The following ZNF385D variants were observed in gnomAD, a reference collection of about 807,000 sequenced individuals.
The protein encoded by ZNF385D is zinc finger protein 659.
ZNF385D carries 15 observed loss-of-function variants against 35.8 expected under a neutral mutation model. The ratio of observed to expected loss-of-function variants is 0.42; its 90% CI spans 0.28 to 0.64. ZNF385D has a LOEUF of 0.64. Ranked by LOEUF, ZNF385D falls within the 30% of genes least tolerant of loss-of-function variation. ZNF385D has a pLI of 0.23. For missense variants in ZNF385D, 474 were observed against 494.6 expected (o/e 0.96, Z 0.39); for synonymous variants, 212 against 186.8 (o/e 1.13, Z -1.10).
At chr3:21,801,443 T>C (rs2072395426) in intron 3 of ZNF385D, among the ~76,000 whole-genome samples, 1 of 152,164 alleles carries the variant, frequency 6.6e-6, no homozygotes, top group Non-Finnish European at 1.5e-5. Flanking sequence ...AGTGAAAACA[T>C]CTGGTCTTGA....
At chr3:21,795,418 T>A (rs1451939936) in intron 3 of ZNF385D, among the ~76,000 whole-genome samples, 1 of 152,216 alleles carries the variant, frequency 6.6e-6, no homozygotes, top group East Asian at 1.9e-4. Context: ...CACATAGCCA[T>A]TAGCGTCTGC....
chr3:22,043,720 T>TTG (rs1559328487), intron 3 of ZNF385D, among the ~76,000 whole-genome samples: 1 of 151,508 alleles, frequency 6.6e-6, no homozygotes, highest in East Asian at 2.0e-4. Context: ...CCTCATTGAC[T>TTG]GTGGCTGGAC....
chr3:21,872,819 T>C (rs1433875531), intron 3 of ZNF385D, among the ~76,000 whole-genome samples: 1 of 152,158 alleles, frequency 6.6e-6, no homozygotes, highest in Non-Finnish European at 1.5e-5. Flanking sequence ...CCTCTAAAGA[T>C]GTAATTGTAT....
chr3:21,453,850 C>T (rs1702616895), intron 4 of ZNF385D, among the ~76,000 whole-genome samples: 1 of 151,754 alleles, frequency 6.6e-6, no homozygotes, highest in South Asian at 2.1e-4. Context: ...CAGAGATTGT[C>T]CTAAATATAT....
At position 21,416,236 on chromosome 3, in the gene ZNF385D, T is replaced by C; in HGVS notation, c.*4978A>G. 2 of 9,790 alleles carry C rather than the reference T, an allele frequency of 2.0e-4. 1 individual carries two copies. Among genetic ancestry groups the C allele is most frequent in the East Asian group, 3.5e-3 (2 of 578 alleles). 0.6% of individuals were successfully genotyped at this position (9,790 alleles called of 1,614,324 possible). On this transcript the variant is annotated 3_prime_UTR_variant, in exon 8 of 8. Coordinates refer to ENST00000281523, the MANE Select transcript of ZNF385D (RefSeq NM_024697.3). The stretch of plus-strand genomic sequence containing the variant: ...TAGTAGAGACGGGGTTTCACCTTGT[T>C]AGCCAGGATGGTCTCGATCTCCTGA...
At chr3:21,693,173 T>C (rs1004343404) in intron 1 of ZNF385D, among the ~76,000 whole-genome samples, 10 of 152,110 alleles carry the variant, frequency 6.6e-5, no homozygotes, top group African/African-American at 2.4e-4. Flanking sequence ...GGAAGCTGAG[T>C]TCACATACAT....
At chr3:21,760,046 A>C (rs533171149) in intron 3 of ZNF385D, among the ~76,000 whole-genome samples, 20 of 152,342 alleles carry the variant, frequency 1.3e-4, no homozygotes, top group African/African-American at 4.8e-4. Flanking sequence ...TCTGAAATAC[A>C]TAAAGGAAGT....
chr3:21,929,209 A>G (rs1449697672), intron 3 of ZNF385D, among the ~76,000 whole-genome samples: 1 of 152,148 alleles, frequency 6.6e-6, no homozygotes, highest in African/African-American at 2.4e-5. Flanking sequence ...TATCAATAAA[A>G]TAAAGAACGA....
Position 21,904,043 on chromosome 3 carries a change from G to A in ZNF385D, c.326-239015C>T, listed in dbSNP as rs527342478. ...TTGGTGGTCAGGCATGGTGGCTCAC[G>A]CCTGTAATCCCAGTACTTTGGGAGG... On this transcript the variant is annotated intron_variant, in intron 3 of 5. Coordinates refer to the ZNF385D transcript ENST00000494108. Among the ~76,000 whole-genome samples the A allele has an allele frequency of 2.5e-3, 387 of 152,086 alleles. 2 individuals are homozygous for A. Among genetic ancestry groups the A allele is most frequent in the Non-Finnish European group, 4.5e-3 (309 of 67,968 alleles).
intron 2 of ZNF385D, among the ~76,000 whole-genome samples, chr3:22,300,498 G>C (rs189535042): frequency 3.3e-5 from 5 of 151,698 alleles, no homozygotes; most frequent in East Asian, 3.9e-4. Flanking sequence ...ACAGAGAAGA[G>C]ACAACCTATA....
chr3:21,805,234 T>C (rs2072587501), intron 3 of ZNF385D, among the ~76,000 whole-genome samples: 1 of 152,188 alleles, frequency 6.6e-6, no homozygotes, highest in Non-Finnish European at 1.5e-5. Flanking sequence ...TCTATTTAAA[T>C]TAGATTAATT....
At chr3:21,807,456 T>C (rs1346093049) in intron 3 of ZNF385D, among the ~76,000 whole-genome samples, 1 of 152,136 alleles carries the variant, frequency 6.6e-6, no homozygotes, top group Non-Finnish European at 1.5e-5. Context: ...ACTCGCCAAG[T>C]TTAAAAGTAA....
intron 2 of ZNF385D, among the ~76,000 whole-genome samples, chr3:22,227,043 T>C (rs1292750044): frequency 6.6e-6 from 1 of 152,194 alleles, no homozygotes; most frequent in African/African-American, 2.4e-5. Context: ...CTTCTAGAAA[T>C]GCACATTCTC....
At chr3:22,071,463 A>G (rs1451283574) in intron 3 of ZNF385D, among the ~76,000 whole-genome samples, 2 of 152,184 alleles carry the variant, frequency 1.3e-5, no homozygotes, top group East Asian at 1.9e-4. Context: ...GCTGACATTT[A>G]TCTCTCAACT....
chr3:22,159,535 C>G, intron 3 of ZNF385D, among the ~76,000 whole-genome samples: 1 of 152,008 alleles, frequency 6.6e-6, no homozygotes, highest in African/African-American at 2.4e-5. Context: ...AAAGAAATCT[C>G]TGTGTTGCAA....
chr3:21,596,171 G>T (rs1166543191), intron 2 of ZNF385D, among the ~76,000 whole-genome samples: 2 of 152,168 alleles, frequency 1.3e-5, no homozygotes, highest in Admixed American at 6.5e-5. Flanking sequence ...TCCAAAGTTT[G>T]TCAGCCAACT....
chr3:21,877,281 C>G (rs1333557977), intron 3 of ZNF385D, among the ~76,000 whole-genome samples: 1 of 151,954 alleles, frequency 6.6e-6, no homozygotes, highest in African/African-American at 2.4e-5. Context: ...AACACTGTAC[C>G]CAAACATCGA....
intron 1 of ZNF385D, among the ~76,000 whole-genome samples, chr3:21,726,148 C>G (rs948853798): frequency 1.3e-5 from 2 of 152,110 alleles, no homozygotes; most frequent in Admixed American, 6.5e-5. Flanking sequence ...TAAAAACTCT[C>G]AATAAACTAG....
At position 21,664,903 on chromosome 3, in the gene ZNF385D, A is replaced by C. The variant is rs1414190113; in HGVS notation, c.148T>G (p.Phe50Val). ...GTACTTACCGCATTGAAATTGGGGAAGAGGTTGACTGCAGCTGCAGTGTCA... is the reference window on the plus strand; with the variant it reads ...GTACTTACCGCATTGAAATTGGGGACGAGGTTGACTGCAGCTGCAGTGTCA... ...PLDTAAAVNL[F>V]PNFNAMDPIQ... The change falls in exon 2 of 8, where the codon TTC becomes GTC. Residue 50 changes from phenylalanine to valine, a missense_variant. Coordinates refer to ENST00000281523, the MANE Select transcript of ZNF385D (RefSeq NM_024697.3). 1 of 1,613,688 alleles carries C rather than the reference A, an allele frequency of 6.2e-7. No homozygotes were observed. Among genetic ancestry groups the C allele is most frequent in the South Asian group, 1.1e-5 (1 of 91,074 alleles).
Sources: allele counts gnomAD v4.1 joint callset (sites outside exome capture counted in the v4.1 genomes callset), GRCh38; gene constraint gnomAD v4.1.1; transcripts MANE v1.5; gene names NCBI Gene and HGNC (gene_info 2026-07-23, HGNC 2026-07-21).